Variants in KCNN2 observed in about 807,000 individuals in gnomAD.
The protein encoded by KCNN2 is potassium calcium-activated channel subfamily N member 2.
A neutral mutation model predicts 55.5 loss-of-function variants in KCNN2; 24 were observed. That is an observed-to-expected ratio of 0.43 (90% confidence interval 0.31 to 0.61). The LOEUF (loss-of-function observed/expected upper bound fraction) is 0.61, where lower values mean the gene tolerates loss of function less well. KCNN2 is among the 20% of genes least tolerant of loss of function. The pLI, the probability that KCNN2 is intolerant of heterozygous loss-of-function variation, is 0.08. For synonymous variants in KCNN2, 431 were observed against 336.1 expected (o/e 1.28, Z -3.09); for missense variants, 754 against 853.6 (o/e 0.88, Z 1.45).
intron 5 of KCNN2, among the ~76,000 whole-genome samples, chr5:114,476,382 G>C (rs1022501005): frequency 6.6e-6 from 1 of 151,756 alleles, no homozygotes; most frequent in African/African-American, 2.4e-5. Context: ...TCTTGAGACC[G>C]GAGTCTCTTA....
intron 2 of KCNN2, among the ~76,000 whole-genome samples, chr5:114,397,668 G>A (rs1199974969): frequency 3.9e-5 from 6 of 152,244 alleles, no homozygotes; most frequent in East Asian, 3.9e-4. Flanking sequence ...GATTACAGGC[G>A]TGAGCTACCA....
At chr5:114,178,054 A>G (rs1055773455) in intron 1 of KCNN2, among the ~76,000 whole-genome samples, 1 of 152,174 alleles carries the variant, frequency 6.6e-6, no homozygotes, top group Non-Finnish European at 1.5e-5. Flanking sequence ...CTTAAATGTG[A>G]TATCTTTTTG....
intron 2 of KCNN2, among the ~76,000 whole-genome samples, chr5:114,326,888 T>G (rs1433739942): frequency 6.6e-6 from 1 of 152,190 alleles, no homozygotes; most frequent in Non-Finnish European, 1.5e-5. Flanking sequence ...TAGTGTATTC[T>G]GACTTGGAAT....
At chr5:114,200,747 G>C (rs1434776369) in intron 1 of KCNN2, among the ~76,000 whole-genome samples, 1 of 151,930 alleles carries the variant, frequency 6.6e-6, no homozygotes, top group Non-Finnish European at 1.5e-5. Flanking sequence ...ATTTTGGATA[G>C]TTGCCGTAGT....
At chr5:114,345,872 C>T (rs1413866663) in intron 2 of KCNN2, among the ~76,000 whole-genome samples, 1 of 152,144 alleles carries the variant, frequency 6.6e-6, no homozygotes, top group Non-Finnish European at 1.5e-5. Context: ...CCTCCGCCTC[C>T]CAGGTTCAAG....
intron 1 of KCNN2, among the ~76,000 whole-genome samples, chr5:114,109,366 T>A (rs773600951): frequency 1.3e-5 from 2 of 152,028 alleles, no homozygotes; most frequent in African/African-American, 4.8e-5. Context: ...GGAAGTAACA[T>A]CTTAACAACT....
At chr5:114,133,994 T>A (rs1365460487) in intron 1 of KCNN2, among the ~76,000 whole-genome samples, 1 of 152,220 alleles carries the variant, frequency 6.6e-6, no homozygotes, top group African/African-American at 2.4e-5. Flanking sequence ...ACAATTATAT[T>A]GCTTCTTCTC....
chr5:114,407,009 T>C (rs1174295568), intron 3 of KCNN2, among the ~76,000 whole-genome samples: 1 of 152,204 alleles, frequency 6.6e-6, no homozygotes, highest in African/African-American at 2.4e-5. Context: ...ATTCAGGGTC[T>C]AGCAGTCTGA....
chr5:114,355,669 A>T (rs1262732646), intron 2 of KCNN2, among the ~76,000 whole-genome samples: 1 of 150,864 alleles, frequency 6.6e-6, no homozygotes, highest in Non-Finnish European at 1.5e-5. Context: ...GGAGCCAAGG[A>T]ACCAAACTGG....
At chr5:114,364,750 A>G (rs984503234) in intron 2 of KCNN2, among the ~76,000 whole-genome samples, 3 of 152,136 alleles carry the variant, frequency 2.0e-5, no homozygotes, top group Non-Finnish European at 4.4e-5. Flanking sequence ...ACACAGGAAT[A>G]TTAAGGCTTT....
intron 3 of KCNN2, among the ~76,000 whole-genome samples, chr5:114,431,530 AG>A (rs1273057730): frequency 1.3e-5 from 2 of 151,938 alleles, no homozygotes; most frequent in African/African-American, 4.8e-5. Context: ...TCAAAGAACT[AG>A]CTTTTGATTT....
chr5:114,278,366 C>A (rs767086970), intron 2 of KCNN2, among the ~76,000 whole-genome samples: 1 of 152,194 alleles, frequency 6.6e-6, no homozygotes, highest in African/African-American at 2.4e-5. Context: ...GCTGGGAGAA[C>A]CACTGCTCTC....
intron 2 of KCNN2, among the ~76,000 whole-genome samples, chr5:114,385,416 A>C (rs911990669): frequency 6.6e-6 from 1 of 152,110 alleles, no homozygotes; most frequent in East Asian, 1.9e-4. Context: ...GTGCCCTGTG[A>C]AAGAAAAGCC....
intron 1 of KCNN2, among the ~76,000 whole-genome samples, chr5:114,065,842 G>A (rs1750434647): frequency 9.9e-6 from 1 of 100,996 alleles, no homozygotes; most frequent in Non-Finnish European, 1.8e-5. Context: ...ATTCTCCTAT[G>A]CAGGTTTTTT....
intron 2 of KCNN2, among the ~76,000 whole-genome samples, chr5:114,345,033 T>C (rs1008602034): frequency 6.6e-6 from 1 of 152,180 alleles, no homozygotes; most frequent in African/African-American, 2.4e-5. Flanking sequence ...GTTACTCATT[T>C]CAGCATTTTT....
intron 3 of KCNN2, among the ~76,000 whole-genome samples, chr5:114,423,482 C>T (rs1483179670): frequency 6.6e-6 from 1 of 151,984 alleles, no homozygotes; most frequent in Non-Finnish European, 1.5e-5. Flanking sequence ...TTTGCCCTTA[C>T]TTATATTAAG....
At chr5:114,489,187 A>C (rs557132916) in intron 6 of KCNN2, among the ~76,000 whole-genome samples, 1 of 152,184 alleles carries the variant, frequency 6.6e-6, no homozygotes, top group Non-Finnish European at 1.5e-5. Flanking sequence ...CTTCTGGACT[A>C]TTATGTTCAG....
At chr5:114,226,504 T>A (rs1218031191) in intron 2 of KCNN2, among the ~76,000 whole-genome samples, 1 of 152,208 alleles carries the variant, frequency 6.6e-6, no homozygotes, top group Non-Finnish European at 1.5e-5. Context: ...ATTCATTTTT[T>A]AAAATAGGTG....
At chr5:114,270,471 A>T (rs1380995680) in intron 2 of KCNN2, among the ~76,000 whole-genome samples, 2 of 152,330 alleles carry the variant, frequency 1.3e-5, no homozygotes, top group East Asian at 3.9e-4. Context: ...ATATGGTAAT[A>T]TACTATAAAA....
Sources: gnomAD v4.1 joint callset for allele counts (sites outside exome capture counted in the v4.1 genomes callset) on GRCh38, gnomAD v4.1.1 for gene constraint, MANE v1.5 for transcripts, NCBI Gene and HGNC (gene_info 2026-07-23, HGNC 2026-07-21) for gene names.